PIP5K1B: variants seen among roughly 807,000 people sequenced by gnomAD.
PIP5K1B encodes phosphatidylinositol 4-phosphate 5-kinase type-1 beta.
A neutral mutation model predicts 67.0 loss-of-function variants in PIP5K1B; 42 were observed. That is an observed-to-expected ratio of 0.63 (90% CI 0.49 to 0.81). The LOEUF (loss-of-function observed/expected upper bound fraction) is 0.81, where lower values mean the gene tolerates loss of function less well. Ranked by LOEUF, PIP5K1B falls within the 30% of genes least tolerant of loss-of-function variation. The pLI, the probability that PIP5K1B is intolerant of heterozygous loss-of-function variation, is 0.00. For synonymous variants in PIP5K1B, 214 were observed against 231.4 expected, an observed-to-expected ratio of 0.92 and a Z score of 0.68; for missense variants, 459 against 646.3, an observed-to-expected ratio of 0.71 and a Z score of 3.14.
chr9:68,780,943 A>G (rs1831231769), intron 2 of PIP5K1B: 2 of 1,613,854 alleles, frequency 1.2e-6, no homozygotes, highest in Non-Finnish European at 1.7e-6. Context: ...TCACCAGCGA[A>G]AGTCAGCACT....
At chr9:68,821,887 GA>G (rs1184201226) in intron 3 of PIP5K1B, among the ~76,000 whole-genome samples, 1 of 152,046 alleles carries the variant, frequency 6.6e-6, no homozygotes, top group Admixed American at 6.5e-5. Context: ...CTTGCAACTA[GA>G]AAAAAATTAT....
At position 68,991,197 on chromosome 9, in the gene PIP5K1B, C is replaced by T. The variant is rs572309393; in HGVS notation, c.1560C>T (p.Thr520=). 3.8e-5 allele frequency: 62 copies of T among 1,612,458 alleles called. 1 individual carries two copies. The South Asian group carries it at 4.1e-4, about 11-fold the overall frequency. Residue 520 remains threonine (T), a synonymous_variant, in exon 15 of 16, where the codon ACC becomes ACT. Transcript: ENST00000265382. ...TGGAAGAGGGGACCATCTACTTGAC[C>T]GCTGAGCCCAACACTCTGGAAGTGC... ...FTLEEGTIYL[T]AEPNTLEVQD...
rs577881538 is a variant in PIP5K1B, at chr9:68,990,290, G to T, written c.1503-850G>T. ...TCCATGGGCTCTATGCCAGACTCTG[G>T]CTCAGAAGCTTTGTGGGAGGGATCC... On this transcript the variant is annotated intron_variant, in intron 14 of 15. Coordinates refer to ENST00000265382, the MANE Select transcript of PIP5K1B (RefSeq NM_003558.4). Among the ~76,000 whole-genome samples, 8 of 152,166 alleles carry T rather than the reference G, an allele frequency of 5.3e-5. No homozygotes were observed. The South Asian group carries it at 1.7e-3, about 32-fold the overall frequency.
rs5898051 is a variant in PIP5K1B at position 68,920,359 on chromosome 9, C to CTTTTTTTTTTTTTTTTTTTTTTTTTT, written c.1116+631_1116+656dup. Among the ~76,000 whole-genome samples, 40 of 98,370 alleles carry CTTTTTTTTTTTTTTTTTTTTTTTTTT rather than the reference C, an allele frequency of 4.1e-4. 19 individuals are homozygous for CTTTTTTTTTTTTTTTTTTTTTTTTTT. Among genetic ancestry groups the CTTTTTTTTTTTTTTTTTTTTTTTTTT allele is most frequent in the African/African-American group, 3.6e-4 (10 of 27,488 alleles). 64.5% of individuals were successfully genotyped at this position (98,370 alleles called of 152,430 possible). ...ATACATGCTGGCTGCCTGAGGTTGT[C>CTTTTTTTTTTTTTTTTTTTTTTTTTT]TTTTTTTTTTTTTTTTTTTTTTTTT... On this transcript the variant is annotated intron_variant, in intron 11 of 15. Transcript: ENST00000265382.
chr9:68,768,823 A>G (rs1280012763), intron 2 of PIP5K1B, among the ~76,000 whole-genome samples: 1 of 152,148 alleles, frequency 6.6e-6, no homozygotes, highest in Non-Finnish European at 1.5e-5. Flanking sequence ...GTTAAGTGCA[A>G]ATGCTCTATT....
chr9:68,902,690 C>G (rs74746652), intron 8 of PIP5K1B, among the ~76,000 whole-genome samples: 2 of 152,316 alleles, frequency 1.3e-5, no homozygotes, highest in East Asian at 3.9e-4. Flanking sequence ...CTGCCATACT[C>G]TTTTCCAGAG....
chr9:68,977,505 A>G (rs1368218505), intron 14 of PIP5K1B, among the ~76,000 whole-genome samples: 1 of 152,260 alleles, frequency 6.6e-6, no homozygotes, highest in Non-Finnish European at 1.5e-5. Context: ...CCTGGGTGAT[A>G]GAGCAAGACT....
At chr9:68,969,095 G>A (rs759424444) in intron 14 of PIP5K1B, among the ~76,000 whole-genome samples, 3 of 152,076 alleles carry the variant, frequency 2.0e-5, no homozygotes, top group African/African-American at 2.4e-5. Flanking sequence ...GAGGCCGGGC[G>A]CGGTGGCTCA....
chr9:68,910,433 C>G (rs1825798251), intron 8 of PIP5K1B, among the ~76,000 whole-genome samples: 1 of 152,184 alleles, frequency 6.6e-6, no homozygotes, highest in Non-Finnish European at 1.5e-5. Flanking sequence ...AATCATGATG[C>G]ACAGGTATCA....
intron 14 of PIP5K1B, among the ~76,000 whole-genome samples, chr9:68,983,214 C>T (rs1382411535): frequency 1.3e-5 from 2 of 152,210 alleles, no homozygotes; most frequent in African/African-American, 4.8e-5. Context: ...CCTCAGCTGA[C>T]TACCCACCTC....
At chr9:68,983,102 G>C (rs1201933977) in intron 14 of PIP5K1B, among the ~76,000 whole-genome samples, 1 of 152,142 alleles carries the variant, frequency 6.6e-6, no homozygotes, top group East Asian at 1.9e-4. Flanking sequence ...AATATTTTTA[G>C]TATCTGTTTT....
intron 14 of PIP5K1B, among the ~76,000 whole-genome samples, chr9:68,987,138 T>G (rs1389991393): frequency 6.6e-6 from 1 of 151,950 alleles, no homozygotes; most frequent in Non-Finnish European, 1.5e-5. Context: ...TGTAATCTCA[T>G]TTACTCAGGA....
chr9:68,983,237 G>T (rs952974079), intron 14 of PIP5K1B, among the ~76,000 whole-genome samples: 1 of 152,174 alleles, frequency 6.6e-6, no homozygotes, highest in Non-Finnish European at 1.5e-5. Context: ...GCCTTTAAAA[G>T]AGGTTATTGA....
At chr9:68,950,790 C>T (rs536092345) in intron 14 of PIP5K1B, among the ~76,000 whole-genome samples, 1 of 152,358 alleles carries the variant, frequency 6.6e-6, no homozygotes, top group South Asian at 2.1e-4. Context: ...GTCCCGACAT[C>T]CTCTGTTTAA....
At chr9:68,911,144 T>G (rs1316980053) in intron 8 of PIP5K1B, among the ~76,000 whole-genome samples, 3 of 151,592 alleles carry the variant, frequency 2.0e-5, no homozygotes, top group African/African-American at 7.3e-5. Context: ...GAGGCTGAGG[T>G]AGGTGGATCA....
At chr9:68,736,794 C>T (rs894072809) in intron 1 of PIP5K1B, among the ~76,000 whole-genome samples, 2 of 152,148 alleles carry the variant, frequency 1.3e-5, no homozygotes, top group African/African-American at 4.8e-5. Context: ...GATAATCTCC[C>T]CATTTTGAGG....
Position 68,851,974 on chromosome 9 carries a change from C to T in PIP5K1B, c.70-11863C>T, listed in dbSNP as rs186323582. 1.4e-3 allele frequency among the ~76,000 whole-genome samples: 213 copies of T among 152,178 alleles called. 2 individuals are homozygous for T. The highest frequency in any genetic ancestry group is 4.3e-3 in the Admixed American group (66 of 15,280). ...CAGTTAAAGGATGACACACTTAAAT[C>T]GGATAATTTGGAAGGAATTTAAGAG... On this transcript the variant is annotated intron_variant, in intron 4 of 15. Coordinates refer to ENST00000265382, the MANE Select transcript of PIP5K1B (RefSeq NM_003558.4).
At position 68,811,916 on chromosome 9, in the gene PIP5K1B, G is replaced by A. The variant is rs117248187; in HGVS notation, c.-85-6545G>A. Among the ~76,000 whole-genome samples the A allele has an allele frequency of 7.1e-4, 108 of 152,228 alleles. 1 individual carries two copies. The East Asian group carries it at 0.016, about 22-fold the overall frequency. On this transcript the variant is annotated intron_variant, in intron 2 of 15. Coordinates refer to ENST00000265382, the MANE Select transcript of PIP5K1B (RefSeq NM_003558.4). ...GCGTGCTGAAAATACTGACTCCCTA[G>A]GTCTACCACGCAGAGGTAGTGATTC...
intron 14 of PIP5K1B, among the ~76,000 whole-genome samples, chr9:68,981,797 CT>C (rs59844836): frequency 0.039 from 5,803 of 147,190 alleles, 345 homozygotes; most frequent in African/African-American, 0.13. Flanking sequence ...CCAAAAGAAT[CT>C]TTTTTTTTTT....
Sources: gnomAD v4.1 joint callset for allele counts (sites outside exome capture counted in the v4.1 genomes callset) on GRCh38, gnomAD v4.1.1 for gene constraint, MANE v1.5 for transcripts, NCBI Gene and HGNC (gene_info 2026-07-23, HGNC 2026-07-21) for gene names.